KCNIP4: variants seen among roughly 807,000 people sequenced by gnomAD.
The protein encoded by KCNIP4 is potassium voltage-gated channel interacting protein 4.
A neutral mutation model predicts 34.0 loss-of-function variants in KCNIP4; 12 were observed. That is an observed-to-expected ratio of 0.35 (90% CI 0.23 to 0.57). The LOEUF (loss-of-function observed/expected upper bound fraction) is 0.57. Among genes scored for constraint, KCNIP4 ranks in the 20% least tolerant of loss-of-function variants. KCNIP4 has a pLI of 0.83. For missense variants in KCNIP4, 238 were observed against 311.7 expected, an observed-to-expected ratio of 0.76 and a Z score of 1.78; for synonymous variants, 124 against 102.2, an observed-to-expected ratio of 1.21 and a Z score of -1.29.
At chr4:21,467,067 A>C (rs1730015777) in intron 1 of KCNIP4, among the ~76,000 whole-genome samples, 1 of 114,814 alleles carries the variant, frequency 8.7e-6, no homozygotes, top group South Asian at 3.2e-4. Context: ...AAACCAAACC[A>C]AAACAAACAC....
chr4:21,506,207 T>C (rs1213511233), intron 1 of KCNIP4, among the ~76,000 whole-genome samples: 1 of 152,162 alleles, frequency 6.6e-6, no homozygotes, highest in East Asian at 1.9e-4. Flanking sequence ...AATTTTTCAT[T>C]TACATTTTCT....
intron 1 of KCNIP4, among the ~76,000 whole-genome samples, chr4:21,184,668 G>A (rs898218449): frequency 1.3e-5 from 2 of 152,162 alleles, no homozygotes; most frequent in Non-Finnish European, 2.9e-5. Context: ...TGTATGGCTA[G>A]TCAGCTGTCT....
intron 1 of KCNIP4, among the ~76,000 whole-genome samples, chr4:21,021,800 C>T (rs1434064069): frequency 2.0e-5 from 3 of 151,180 alleles, no homozygotes; most frequent in Non-Finnish European, 4.4e-5. Context: ...CAGTTACCTC[C>T]CTTTTGAAAA....
intron 1 of KCNIP4, among the ~76,000 whole-genome samples, chr4:21,658,209 G>C (rs1748131120): frequency 6.6e-6 from 1 of 152,126 alleles, no homozygotes; most frequent in South Asian, 2.1e-4. Context: ...TACAACACCA[G>C]ATAAACTTTC....
chr4:21,173,996 A>G (rs10516374), intron 1 of KCNIP4, among the ~76,000 whole-genome samples: 14,485 of 152,202 alleles, frequency 0.095, 808 homozygotes, highest in East Asian at 0.19. Flanking sequence ...ATGAAAGAAA[A>G]GGTCACCTGC....
At chr4:21,619,153 G>A (rs7662641) in intron 1 of KCNIP4, among the ~76,000 whole-genome samples, 49,377 of 147,416 alleles carry the variant, frequency 0.33, 8,460 homozygotes, top group East Asian at 0.63. Flanking sequence ...ATTGGCCTCC[G>A]ACTTCCCTCC....
chr4:21,007,720 A>G (rs536711418), intron 1 of KCNIP4, among the ~76,000 whole-genome samples: 65 of 152,334 alleles, frequency 4.3e-4, no homozygotes, highest in African/African-American at 1.5e-3. Context: ...CTCAGTAATT[A>G]TCTCAGAAGA....
chr4:21,325,333 T>C lies in KCNIP4; in HGVS notation c.62-442624A>G, dbSNP rs141286513. On this transcript the variant is annotated intron_variant, in intron 1 of 8. Coordinates refer to ENST00000382152, the MANE Select transcript of KCNIP4 (RefSeq NM_025221.6). ...TTCTTTGTGGTTCAATCTAGTAGGA[T>C]GTATGTGTCTGTGAACTTACCTACT... Among the ~76,000 whole-genome samples, 110 of 151,990 alleles carry C rather than the reference T, an allele frequency of 7.2e-4. No individual in the cohort carries two copies. The East Asian group carries it at 0.019, about 26-fold the overall frequency.
chr4:21,270,509 A>G (rs1762078355), intron 1 of KCNIP4, among the ~76,000 whole-genome samples: 1 of 152,238 alleles, frequency 6.6e-6, no homozygotes, highest in African/African-American at 2.4e-5. Context: ...CATCAAATAG[A>G]TCAAGGTCAA....
In KCNIP4 at chr4:20,867,735, G is replaced by A. The variant is rs371242551; in HGVS notation, c.163+14873C>T. ...AGAAATTATCCTACACTTGATCTTC[G>A]TGGATGAAGCTGGAGGCCATCATTC... On this transcript the variant is annotated intron_variant, in intron 2 of 8. Transcript: ENST00000382152. Among the ~76,000 whole-genome samples the A allele has an allele frequency of 2.8e-3, 433 of 152,024 alleles. 14 individuals are homozygous for A. In the South Asian group the frequency reaches 0.061, roughly 21 times the overall value.
At position 20,969,259 on chromosome 4, in the gene KCNIP4, A is replaced by G. The variant is rs114036678; in HGVS notation, c.62-86550T>C. Among the ~76,000 whole-genome samples the G allele has an allele frequency of 3.3e-3, 508 of 152,350 alleles. 3 individuals carry two copies. The highest frequency in any genetic ancestry group is 0.012 in the African/African-American group (489 of 41,586). Reference sequence around the variant, plus strand: ...TCTGGATTGACAACAAGAAAGAAGAACAGGAAAACTAGTTTCAAGCTCCAG... The same window carrying G: ...TCTGGATTGACAACAAGAAAGAAGAGCAGGAAAACTAGTTTCAAGCTCCAG... On this transcript the variant is annotated intron_variant, in intron 1 of 8. Transcript: ENST00000382152.
rs201322470 is a variant in KCNIP4 at position 21,752,204 on chromosome 4, T to TTTCA, written c.61+196363_61+196366dup. 8.8e-3 allele frequency among the ~76,000 whole-genome samples: 1,333 copies of TTTCA among 152,228 alleles called. 19 individuals are homozygous for TTTCA. The highest frequency in any genetic ancestry group is 0.039 in the South Asian group (188 of 4,818). ...ATGGATGCATGGTCTATTTGTCCAT[T>TTTCA]TTCACACTGCTATAAAGAAATATCA... On this transcript the variant is annotated intron_variant, in intron 1 of 8. Coordinates refer to ENST00000382152, the MANE Select transcript of KCNIP4 (RefSeq NM_025221.6).
rs73099835 is a variant in KCNIP4, at chr4:21,007,707, C to T, written c.62-124998G>A. On this transcript the variant is annotated intron_variant, in intron 1 of 8. Coordinates refer to ENST00000382152, the MANE Select transcript of KCNIP4 (RefSeq NM_025221.6). ...TCCGAATTTAATGGCGCTCTGAATA[C>T]TCCTCAGTAATTATCTCAGAAGAAA... 1.1e-3 allele frequency among the ~76,000 whole-genome samples: 171 copies of T among 152,278 alleles called. 2 individuals carry two copies. Among genetic ancestry groups the T allele is most frequent in the African/African-American group, 3.9e-3 (164 of 41,552 alleles).
At chr4:21,732,974 A>G in intron 1 of KCNIP4, among the ~76,000 whole-genome samples, 1 of 152,194 alleles carries the variant, frequency 6.6e-6, no homozygotes, top group Non-Finnish European at 1.5e-5. Flanking sequence ...TAAAGATAAC[A>G]TGTTTTAAGA....
At chr4:20,748,894 GTATA>G (rs57841958) in intron 5 of KCNIP4, among the ~76,000 whole-genome samples, 2,180 of 145,212 alleles carry the variant, frequency 0.015, 54 homozygotes, top group African/African-American at 0.047. Context: ...GTGTGTGTGT[GTATA>G]TATATATATA....
intron 1 of KCNIP4, among the ~76,000 whole-genome samples, chr4:21,944,187 T>TA (rs1163066964): frequency 5.3e-5 from 8 of 151,832 alleles, no homozygotes. Context: ...AGGGAGAAGA[T>TA]AATTAAAAGA....
intron 1 of KCNIP4, among the ~76,000 whole-genome samples, chr4:21,835,531 G>T (rs1035800103): frequency 1.3e-5 from 2 of 151,980 alleles, no homozygotes; most frequent in African/African-American, 4.8e-5. Flanking sequence ...TAGGAGTGCG[G>T]AAAATGGTGC....
intron 1 of KCNIP4, among the ~76,000 whole-genome samples, chr4:21,694,581 C>A (rs1401567799): frequency 6.6e-6 from 1 of 151,980 alleles, no homozygotes; most frequent in Non-Finnish European, 1.5e-5. Context: ...CAAATCTTTA[C>A]TTTTGAATCT....
chr4:21,579,323 A>G (rs936001609), intron 1 of KCNIP4, among the ~76,000 whole-genome samples: 29 of 152,062 alleles, frequency 1.9e-4, no homozygotes, highest in Admixed American at 1.6e-3. Flanking sequence ...AAATAAATAA[A>G]ACTACTGTGG....
Sources: gnomAD v4.1 joint callset for allele counts (sites outside exome capture counted in the v4.1 genomes callset) on GRCh38, gnomAD v4.1.1 for gene constraint, MANE v1.5 for transcripts, NCBI Gene and HGNC (gene_info 2026-07-23, HGNC 2026-07-21) for gene names.